The following GABRB1 variants were observed in gnomAD, a reference collection of about 807,000 sequenced individuals.
GABRB1 encodes the protein gamma-aminobutyric acid type A receptor subunit beta1.
GABRB1 carries 17 observed loss-of-function variants against 51.6 expected under a neutral mutation model. That is an observed-to-expected ratio of 0.33 (90% confidence interval 0.23 to 0.49). The LOEUF is 0.49. GABRB1 is among the 20% of genes least tolerant of loss of function. GABRB1 has a pLI of 0.99. For missense variants in GABRB1, 410 were observed against 600.6 expected (o/e 0.68, Z 3.32); for synonymous variants, 247 against 218.9 (o/e 1.13, Z -1.14).
At chr4:47,334,425 A>C (rs1461801702) in intron 5 of GABRB1, among the ~76,000 whole-genome samples, 10 of 152,142 alleles carry the variant, frequency 6.6e-5, no homozygotes, top group Non-Finnish European at 2.9e-5. Flanking sequence ...GAGGCAGAAA[A>C]GTCTTTTTCA....
intron 5 of GABRB1, among the ~76,000 whole-genome samples, chr4:47,352,696 A>T (rs1168145641): frequency 6.6e-6 from 1 of 152,158 alleles, no homozygotes; most frequent in East Asian, 1.9e-4. Flanking sequence ...TTCTCAGTAC[A>T]TTGTTACATT....
At chr4:47,371,085 T>TCCCCCCCCCCCCCCCCCCCCC (rs59604624) in intron 5 of GABRB1, among the ~76,000 whole-genome samples, 1 of 129,630 alleles carries the variant, frequency 7.7e-6, no homozygotes, top group Non-Finnish European at 1.6e-5. Context: ...ATGCTCTCCC[T>TCCCCCCCCCCCCCCCCCCCCC]CCCCCACCCC....
chr4:47,294,193 A>T (rs1238418196), intron 4 of GABRB1, among the ~76,000 whole-genome samples: 2 of 152,178 alleles, frequency 1.3e-5, no homozygotes, highest in African/African-American at 4.8e-5. Flanking sequence ...AAGACAGATG[A>T]TTTCTGCATT....
At chr4:47,166,994 T>C (rs1718219886) in intron 4 of GABRB1, among the ~76,000 whole-genome samples, 1 of 152,182 alleles carries the variant, frequency 6.6e-6, no homozygotes, top group Non-Finnish European at 1.5e-5. Flanking sequence ...TACAATGTTT[T>C]ATCTTTCTGT....
intron 1 of GABRB1, among the ~76,000 whole-genome samples, chr4:46,997,741 C>T (rs201366416): frequency 5.3e-5 from 8 of 151,860 alleles, no homozygotes; most frequent in South Asian, 4.1e-4. Flanking sequence ...TATGCACACA[C>T]GTATATATAT....
chr4:46,999,586 C>A (rs1724119074), intron 1 of GABRB1, among the ~76,000 whole-genome samples: 1 of 152,022 alleles, frequency 6.6e-6, no homozygotes, highest in African/African-American at 2.4e-5. Flanking sequence ...ATAAATATAT[C>A]AGGAGTAAAT....
At chr4:47,092,440 T>G (rs1728351800) in intron 3 of GABRB1, among the ~76,000 whole-genome samples, 1 of 151,970 alleles carries the variant, frequency 6.6e-6, no homozygotes, top group African/African-American at 2.4e-5. Flanking sequence ...CCCAAAGTGC[T>G]GGGATTACAG....
intron 4 of GABRB1, among the ~76,000 whole-genome samples, chr4:47,253,077 A>C (rs1028641145): frequency 1.3e-5 from 2 of 152,240 alleles, no homozygotes; most frequent in African/African-American, 4.8e-5. Context: ...TGAGGTACAA[A>C]GAGGCTAAAT....
intron 1 of GABRB1, among the ~76,000 whole-genome samples, chr4:47,026,309 C>A (rs1027636029): frequency 2.0e-5 from 3 of 151,838 alleles, no homozygotes; most frequent in Non-Finnish European, 4.4e-5. Context: ...AATGAATTAG[C>A]GCAAAGTTTA....
chr4:47,425,775 G>A lies in GABRB1; in HGVS notation c.1182G>A (p.Met394Ile). 1 of 1,614,198 alleles carries A rather than the reference G, an allele frequency of 6.2e-7. No individual in the cohort carries two copies. The highest frequency in any genetic ancestry group is 8.5e-7 in the Non-Finnish European group (1 of 1,180,040). ...GCGTGAGCGACCCCAAGGCCACCAT[G>A]TACTCCTATGACAGCGCCAGCATCC... is the stretch of plus-strand genomic sequence containing the variant. ...LTSVSDPKAT[M>I]YSYDSASIQY... Residue 394 changes from methionine (M) to isoleucine (I), a missense_variant, in exon 9 of 9, where the codon ATG becomes ATA. Physicochemically the swap from Met to Ile is conservative, Grantham distance 10. Transcript: ENST00000295454.
At chr4:47,153,224 TA>T (rs1717542964) in intron 3 of GABRB1, among the ~76,000 whole-genome samples, 1 of 152,052 alleles carries the variant, frequency 6.6e-6, no homozygotes. Context: ...CGTTTAAATA[TA>T]GTAAACAACC....
chr4:47,131,726 C>G (rs1716425773), intron 3 of GABRB1, among the ~76,000 whole-genome samples: 1 of 151,916 alleles, frequency 6.6e-6, no homozygotes, highest in South Asian at 2.1e-4. Context: ...GTATTAGGGC[C>G]CAGTTTATAT....
At chr4:47,376,490 CA>C (rs549588774) in intron 5 of GABRB1, among the ~76,000 whole-genome samples, 13 of 151,958 alleles carry the variant, frequency 8.6e-5, no homozygotes, top group Admixed American at 8.5e-4. Context: ...ACTAAAAATA[CA>C]AAAAAATTAG....
intron 5 of GABRB1, among the ~76,000 whole-genome samples, chr4:47,393,825 AG>A (rs1728088611): frequency 6.6e-6 from 1 of 152,230 alleles, no homozygotes; most frequent in Non-Finnish European, 1.5e-5. Flanking sequence ...GATCCTGAAA[AG>A]TAAGGCCACA....
At chr4:47,113,762 A>G (rs140496107) in intron 3 of GABRB1, among the ~76,000 whole-genome samples, 15 of 152,368 alleles carry the variant, frequency 9.8e-5, no homozygotes, top group African/African-American at 3.1e-4. Context: ...CCTGGCAACC[A>G]ATGTTTTTTG....
chr4:47,317,370 T>C (rs1347366978), intron 4 of GABRB1, among the ~76,000 whole-genome samples: 1 of 151,944 alleles, frequency 6.6e-6, no homozygotes, highest in Admixed American at 6.6e-5. Context: ...ACAAAGAATA[T>C]GGTAAAAGAG....
Position 47,362,547 on chromosome 4 carries a change from C to A in GABRB1, c.545-40771C>A, listed in dbSNP as rs570017227. 5.9e-5 allele frequency among the ~76,000 whole-genome samples: 9 copies of A among 152,170 alleles called. No individual in the cohort carries two copies. In the South Asian group the frequency reaches 1.9e-3, roughly 32 times the overall value. On this transcript the variant is annotated intron_variant, in intron 5 of 8. Coordinates refer to ENST00000295454, the MANE Select transcript of GABRB1 (RefSeq NM_000812.4). Reference sequence around the variant, plus strand: ...AGTTTGTAATCCATCATAAATTTTACGTGGTTCTAGGAGACTTCTTTTTTC... The same window carrying A: ...AGTTTGTAATCCATCATAAATTTTAAGTGGTTCTAGGAGACTTCTTTTTTC...
intron 3 of GABRB1, among the ~76,000 whole-genome samples, chr4:47,094,549 A>T (rs1714300556): frequency 6.6e-6 from 1 of 151,984 alleles, no homozygotes; most frequent in African/African-American, 2.4e-5. Flanking sequence ...ACGTGTTAAG[A>T]TTTACTGTTG....
intron 5 of GABRB1, among the ~76,000 whole-genome samples, chr4:47,334,818 C>T (rs1261550682): frequency 1.3e-5 from 2 of 152,062 alleles, no homozygotes; most frequent in Non-Finnish European, 2.9e-5. Context: ...AGCATTTATC[C>T]TTTTTTGATG....
Sources: gnomAD v4.1 joint callset for allele counts (sites outside exome capture counted in the v4.1 genomes callset) on GRCh38, gnomAD v4.1.1 for gene constraint, MANE v1.5 for transcripts, NCBI Gene and HGNC (gene_info 2026-07-23, HGNC 2026-07-21) for gene names.